The following CPN1 variants were observed in gnomAD, a reference collection of about 807,000 sequenced individuals.
CPN1 encodes the protein carboxypeptidase N subunit 1.
Under a neutral mutation model 46.4 loss-of-function variants are expected in CPN1, and 37 were observed. The observed-to-expected ratio is 0.80, with a 90% CI of 0.61 to 1.05. The LOEUF is 1.05. CPN1 is among the 50% of genes least tolerant of loss of function. CPN1 has a pLI of 0.00. For synonymous variants in CPN1, 224 were observed against 235.4 expected (o/e 0.95, Z 0.44); for missense variants, 563 against 602.6 (o/e 0.93, Z 0.69).
In CPN1 at chr10:100,042,399, T is replaced by C. The variant is rs1254954716; in HGVS notation, c.*28A>G. 1 of 1,612,366 alleles carries C rather than the reference T, an allele frequency of 6.2e-7. No individual in the cohort carries two copies. Among genetic ancestry groups the C allele is most frequent in the African/African-American group, 1.3e-5 (1 of 74,976 alleles). ...GATCTGAGAGCAGGAGCAAAGCCTT[T>C]CTGAAGGGTTGCCTGGCACTGTGGG... On this transcript the variant is annotated 3_prime_UTR_variant, in exon 9 of 9. Coordinates refer to ENST00000370418, the MANE Select transcript of CPN1 (RefSeq NM_001308.3).
At chr10:100,064,044 T>C (rs1157894680) in intron 4 of CPN1, among the ~76,000 whole-genome samples, 1 of 152,134 alleles carries the variant, frequency 6.6e-6, no homozygotes, top group East Asian at 1.9e-4. Flanking sequence ...TTTTCTCTTG[T>C]GCAAAGTGAG....
At chr10:100,075,699 G>C (rs2041509420) in intron 2 of CPN1, among the ~76,000 whole-genome samples, 1 of 152,220 alleles carries the variant, frequency 6.6e-6, no homozygotes, top group South Asian at 2.1e-4. Flanking sequence ...GGCTCAGAGA[G>C]AGCCCATGTT....
intron 8 of CPN1, among the ~76,000 whole-genome samples, chr10:100,047,615 C>T (rs566391782): frequency 2.0e-5 from 3 of 152,298 alleles, no homozygotes; most frequent in Non-Finnish European, 2.9e-5. Context: ...ACAATTTCCC[C>T]GGTATCTTTG....
In CPN1 at chr10:100,054,382, A is replaced by G. The variant is rs1172943651; in HGVS notation, c.1076T>C (p.Ile359Thr). Residue 359 changes from isoleucine (I) to threonine (T), a missense_variant, in exon 7 of 9, where the codon ATT (isoleucine) becomes ACT (threonine). Coordinates refer to ENST00000370418, the MANE Select transcript of CPN1 (RefSeq NM_001308.3). ...ENYNNLANAV[I>T]SVSGINHDVT... ...ATCATGGTTAATCCCACTGACAGAA[A>G]TGACAGCATTGGCGAGATTATTGTA... 2.5e-6 allele frequency: 4 copies of G among 1,613,982 alleles called. No homozygotes were observed. Among genetic ancestry groups the G allele is most frequent in the Non-Finnish European group, 3.4e-6 (4 of 1,179,986 alleles).
At position 100,042,250 on chromosome 10, in the gene CPN1, A is replaced by C. The variant is rs574099565; in HGVS notation, c.*177T>G. 120 of 832,016 alleles carry C rather than the reference A, an allele frequency of 1.4e-4. 2 individuals carry two copies. In the South Asian group the frequency reaches 1.8e-3, roughly 13 times the overall value. 51.5% of individuals were successfully genotyped at this position (832,016 alleles called of 1,614,324 possible). On this transcript the variant is annotated 3_prime_UTR_variant, in exon 9 of 9. Transcript: ENST00000370418. Reference sequence around the variant, plus strand: ...CCACATCACCTTTCAATAGATCCTAATTTTTTTCATGATGACCTAGAGATG... The same window carrying C: ...CCACATCACCTTTCAATAGATCCTACTTTTTTTCATGATGACCTAGAGATG...
chr10:100,074,786 C>T (rs749997877), intron 2 of CPN1, among the ~76,000 whole-genome samples: 1 of 152,112 alleles, frequency 6.6e-6, no homozygotes, highest in Non-Finnish European at 1.5e-5. Flanking sequence ...CGATGCCTGG[C>T]CTCACCCTTG....
chr10:100,055,138 C>T (rs944154515), intron 6 of CPN1, among the ~76,000 whole-genome samples: 15 of 151,188 alleles, frequency 9.9e-5, no homozygotes, highest in African/African-American at 2.9e-4. Flanking sequence ...CTCAGGAGGC[C>T]GAGACAGGAG....
chr10:100,079,759 C>T (rs934122254), intron 1 of CPN1, among the ~76,000 whole-genome samples: 1 of 152,148 alleles, frequency 6.6e-6, no homozygotes, highest in African/African-American at 2.4e-5. Flanking sequence ...CATCTGTGTA[C>T]CAAATGGAAG....
intron 2 of CPN1, among the ~76,000 whole-genome samples, chr10:100,072,268 T>C (rs542186413): frequency 4.6e-4 from 70 of 152,276 alleles, no homozygotes; most frequent in Non-Finnish European, 7.6e-4. Context: ...CTCAACCTCC[T>C]GGGCTCAGGT....
intron 7 of CPN1, among the ~76,000 whole-genome samples, chr10:100,052,742 T>C (rs77282753): frequency 0.1 from 15,747 of 152,138 alleles, 1,319 homozygotes; most frequent in African/African-American, 0.23. Context: ...TAGCTGAGCA[T>C]GGTGGTATGC....
intron 6 of CPN1, 128 bp from the exon 7 acceptor site, chr10:100,054,574 T>G (rs74152959): frequency 0.061 from 45,701 of 750,192 alleles, 2,119 homozygotes; most frequent in African/African-American, 0.19. Context: ...TAATAGTCCC[T>G]TAACTGGTCT....
chr10:100,054,561 T>C, intron 6 of CPN1, 115 bp from the exon 7 acceptor site: 1 of 830,714 alleles, frequency 1.2e-6, no homozygotes. Context: ...ACAAAGATGA[T>C]GGTAATAGTC....
At chr10:100,065,438 A>G in intron 3 of CPN1, 68 bp from the exon 4 acceptor site, 1 of 1,575,262 alleles carries the variant, frequency 6.3e-7, no homozygotes, top group Admixed American at 1.7e-5. Context: ...CGGTTAGAGT[A>G]AGTCTGTCAG....
chr10:100,064,951 T>G (rs1394075732), intron 4 of CPN1, among the ~76,000 whole-genome samples: 1 of 152,220 alleles, frequency 6.6e-6, no homozygotes, highest in East Asian at 1.9e-4. Flanking sequence ...TTAGCCTAAG[T>G]ATTTTCTGCA....
intron 6 of CPN1, among the ~76,000 whole-genome samples, chr10:100,055,387 C>T (rs964405147): frequency 1.7e-4 from 25 of 148,762 alleles, no homozygotes; most frequent in African/African-American, 6.0e-4. Context: ...ATTTTATCAA[C>T]ACTTTTCATC....
chr10:100,062,514 T>C (rs937895513), intron 5 of CPN1, among the ~76,000 whole-genome samples: 2 of 152,210 alleles, frequency 1.3e-5, no homozygotes, highest in African/African-American at 4.8e-5. Flanking sequence ...AGTTACACCA[T>C]TTATAAGCCA....
At chr10:100,072,066 C>A (rs1357501720) in intron 2 of CPN1, among the ~76,000 whole-genome samples, 2 of 152,156 alleles carry the variant, frequency 1.3e-5, no homozygotes, top group African/African-American at 4.8e-5. Context: ...TTTGAACATC[C>A]ACGTACAAGT....
chr10:100,053,083 T>G (rs1589471841), intron 7 of CPN1, among the ~76,000 whole-genome samples: 1 of 152,134 alleles, frequency 6.6e-6, no homozygotes, highest in South Asian at 2.1e-4. Context: ...GTTCCTGAGT[T>G]TGGATTCCTA....
chr10:100,072,920 A>G (rs2041493560), intron 2 of CPN1, among the ~76,000 whole-genome samples: 1 of 152,224 alleles, frequency 6.6e-6, no homozygotes, highest in African/African-American at 2.4e-5. Context: ...AATAGTGCCA[A>G]CTGGGTCCCT....
Sources: gnomAD v4.1 joint callset for allele counts (sites outside exome capture counted in the v4.1 genomes callset) on GRCh38, gnomAD v4.1.1 for gene constraint, MANE v1.5 for transcripts, NCBI Gene and HGNC (gene_info 2026-07-23, HGNC 2026-07-21) for gene names.